MCCC2: variants seen among roughly 807,000 people sequenced by gnomAD.
MCCC2 encodes the protein methylcrotonoyl-CoA carboxylase beta chain, mitochondrial.
A neutral mutation model predicts 77.2 loss-of-function variants in MCCC2; 52 were observed. The ratio of observed to expected loss-of-function variants is 0.67; its 90% CI spans 0.54 to 0.85. The LOEUF is 0.85. Among genes scored for constraint, MCCC2 ranks in the 40% least tolerant of loss-of-function variants. MCCC2 has a pLI of 0.00. For synonymous variants in MCCC2, 253 were observed against 248.4 expected (o/e 1.02, Z -0.18); for missense variants, 682 against 703.2 (o/e 0.97, Z 0.34).
chr5:71,633,115 A>ATT (rs1746786981), intron 8 of MCCC2, among the ~76,000 whole-genome samples: 1 of 38,020 alleles, frequency 2.6e-5, no homozygotes, highest in Admixed American at 3.4e-4. Context: ...ATATATATAT[A>ATT]TATATATATA....
At chr5:71,652,843 C>T (rs1747477650) in intron 16 of MCCC2, 89 bp downstream of exon 16, 4 of 1,077,680 alleles carry the variant, frequency 3.7e-6, no homozygotes, top group Non-Finnish European at 5.7e-6. Flanking sequence ...TTGAGATGGT[C>T]CAGCATTCAT....
chr5:71,613,268 A>G (rs187260733), intron 6 of MCCC2, among the ~76,000 whole-genome samples: 15 of 152,352 alleles, frequency 9.8e-5, no homozygotes, highest in Admixed American at 8.5e-4. Context: ...TTTAAGCACT[A>G]TAGCCCTCTA....
At chr5:71,624,370 C>T (rs940890475) in intron 6 of MCCC2, among the ~76,000 whole-genome samples, 1 of 152,072 alleles carries the variant, frequency 6.6e-6, no homozygotes, top group African/African-American at 2.4e-5. Flanking sequence ...TTCTTTCTTC[C>T]TTTCTTTTTC....
In MCCC2 at chr5:71,652,797, G is replaced by A. The variant is rs1257340374; in HGVS notation, c.1574+43G>A. 5 of 1,519,190 alleles carry A rather than the reference G, an allele frequency of 3.3e-6. 1 individual carries two copies. The highest frequency in any genetic ancestry group is 2.3e-5 in the East Asian group (1 of 44,406). The allele number at this position is 1,519,190 out of a possible 1,614,324, so 94.1% of individuals were successfully genotyped here. A position where few individuals can be genotyped will look rare whatever the true frequency, so the allele number is the denominator to read the frequency against. On this transcript the variant is annotated intron_variant, in intron 16 of 16. Coordinates refer to ENST00000340941, the MANE Select transcript of MCCC2 (RefSeq NM_022132.5). ...ACTAACTCTCTGATGGGTGCAGATG[G>A]CAGTCAGAGGAACAGCTTTACAGAG... is the stretch of plus-strand genomic sequence containing the variant.
At chr5:71,607,282 A>G (rs1414055280) in intron 6 of MCCC2, among the ~76,000 whole-genome samples, 1 of 152,054 alleles carries the variant, frequency 6.6e-6, no homozygotes, top group Non-Finnish European at 1.5e-5. Flanking sequence ...CAGAGATTCA[A>G]CTTCTTCCTG....
intron 1 of MCCC2, among the ~76,000 whole-genome samples, chr5:71,590,537 C>A (rs1744931657): frequency 6.6e-6 from 1 of 152,204 alleles, no homozygotes; most frequent in Non-Finnish European, 1.5e-5. Flanking sequence ...TACTTTTGGG[C>A]CAGGCATGGT....
At chr5:71,596,939 CA>C (rs199756667) in intron 3 of MCCC2, among the ~76,000 whole-genome samples, 6,052 of 131,100 alleles carry the variant, frequency 0.046, 189 homozygotes, top group East Asian at 0.13. Context: ...GACTCTGTCT[CA>C]AAAAAAAAAA....
intron 6 of MCCC2, among the ~76,000 whole-genome samples, chr5:71,609,881 G>C (rs550910933): frequency 6.6e-6 from 1 of 152,076 alleles, no homozygotes; most frequent in East Asian, 1.9e-4. Context: ...AGGCTGCTCG[G>C]GGGTCAGGGG....
rs145400364 is a variant in MCCC2, at chr5:71,628,388, C to T, written c.738+1635C>T. Reference sequence around the variant, plus strand: ...GCACAAAAGTTTTAAATTTTGATCACATCCAGTTTATGCATTTTTTCCTTT... The same window carrying T: ...GCACAAAAGTTTTAAATTTTGATCATATCCAGTTTATGCATTTTTTCCTTT... On this transcript the variant is annotated intron_variant, in intron 7 of 16. Transcript: ENST00000340941. Among the ~76,000 whole-genome samples, 61 of 152,342 alleles carry T rather than the reference C, an allele frequency of 4.0e-4. 1 individual carries two copies. Among genetic ancestry groups the T allele is most frequent in the African/African-American group, 1.3e-3 (55 of 41,582 alleles).
Position 71,635,049 on chromosome 5 carries a change from A to G in MCCC2, c.903+7A>G. On this transcript the variant is annotated splice_region_variant and intron_variant, in intron 9 of 16. Coordinates refer to ENST00000340941, the MANE Select transcript of MCCC2 (RefSeq NM_022132.5). ...TTATCAGAAGAAATTGGATGTGAGT[A>G]CGATATGTTCTTATATCTTTTATTT... is the stretch of plus-strand genomic sequence containing the variant. 1 of 1,613,706 alleles carries G rather than the reference A, an allele frequency of 6.2e-7. No individual in the cohort carries two copies. The highest frequency in any genetic ancestry group is 8.5e-7 in the Non-Finnish European group (1 of 1,179,618).
chr5:71,652,876 G>C, intron 16 of MCCC2, 122 bp downstream of exon 16: 2 of 856,046 alleles, frequency 2.3e-6, no homozygotes, highest in Non-Finnish European at 1.9e-6. Context: ...ATAACATTTG[G>C]ACACACTTAA....
chr5:71,626,549 C>T (rs890037310), intron 6 of MCCC2, 91 bp from the exon 7 acceptor site: 32 of 944,084 alleles, frequency 3.4e-5, no homozygotes, highest in Non-Finnish European at 5.3e-5. Context: ...ATCCCCTGGT[C>T]ACTGCAGTGT....
intron 1 of MCCC2, among the ~76,000 whole-genome samples, chr5:71,591,434 G>GTTTT (rs67936266): frequency 4.2e-5 from 4 of 95,238 alleles, no homozygotes; most frequent in Non-Finnish European, 6.6e-5. Context: ...GTTTTGTTCT[G>GTTTT]TTTTTTTTTT....
chr5:71,610,433 C>T lies in MCCC2; in HGVS notation c.624+5965C>T, dbSNP rs1036879524. 5.9e-5 allele frequency among the ~76,000 whole-genome samples: 9 copies of T among 151,936 alleles called. No homozygotes were observed. The South Asian group carries it at 6.2e-4, about 11-fold the overall frequency. The stretch of plus-strand genomic sequence containing the variant: ...GCCTCGCCCTGCTTCGGCTCGCACA[C>T]GGTGCGCGCACCCACTGACCTGCGC... On this transcript the variant is annotated intron_variant, in intron 6 of 16. Coordinates refer to ENST00000340941, the MANE Select transcript of MCCC2 (RefSeq NM_022132.5).
intron 10 of MCCC2, among the ~76,000 whole-genome samples, chr5:71,636,890 C>T (rs1158714166): frequency 2.6e-5 from 4 of 151,590 alleles, no homozygotes; most frequent in South Asian, 2.1e-4. Context: ...ATTACAGGCA[C>T]CCGCCACCAT....
chr5:71,592,172 G>T (rs1561816595), intron 1 of MCCC2, among the ~76,000 whole-genome samples: 1 of 152,192 alleles, frequency 6.6e-6, no homozygotes, highest in Non-Finnish European at 1.5e-5. Flanking sequence ...CTTGAGGTAA[G>T]GAGTTTGAGA....
chr5:71,634,626 C>T lies in MCCC2; in HGVS notation c.804-317C>T, dbSNP rs147196330. 1.8e-4 allele frequency among the ~76,000 whole-genome samples: 28 copies of T among 152,236 alleles called. No individual in the cohort carries two copies. The East Asian group carries it at 5.0e-3, about 27-fold the overall frequency. On this transcript the variant is annotated intron_variant, in intron 8 of 16. Transcript: ENST00000340941. ...AATAGAAGCCTTTGTCAGCAAGGCC[C>T]CTTGGTCTAGCAGAGGAAGGTTAAG...
In MCCC2 at chr5:71,649,170, C is replaced by T. The variant is rs1407751176; in HGVS notation, c.1290C>T (p.Ala430=). The part of the protein sequence containing the change: ...KDGAKMVAAV[A]CAQVPKITLI... ...GTGCCAAGATGGTGGCCGCTGTGGC[C>T]TGTGCCCAAGTGCCTAAGATAACCC... is the stretch of plus-strand genomic sequence containing the variant. Residue 430 remains alanine, a synonymous_variant, in exon 14 of 17, where the codon GCC becomes GCT. Transcript: ENST00000340941. 1 of 1,614,192 alleles carries T rather than the reference C, an allele frequency of 6.2e-7. No homozygotes were observed. The highest frequency in any genetic ancestry group is 1.1e-5 in the South Asian group (1 of 91,078).
chr5:71,650,999 G>A (rs1181267512), intron 15 of MCCC2, among the ~76,000 whole-genome samples: 5 of 151,874 alleles, frequency 3.3e-5, no homozygotes, highest in Non-Finnish European at 5.9e-5. Flanking sequence ...TGGCCAGGCT[G>A]CTCTCAAACT....
Sources: gnomAD v4.1 joint callset for allele counts (sites outside exome capture counted in the v4.1 genomes callset) on GRCh38, gnomAD v4.1.1 for gene constraint, MANE v1.5 for transcripts, NCBI Gene and HGNC (gene_info 2026-07-23, HGNC 2026-07-21) for gene names.